TMTC1: variants seen among roughly 807,000 people sequenced by gnomAD.
The protein encoded by TMTC1 is protein O-mannosyl-transferase TMTC1.
In TMTC1, 73 loss-of-function variants were observed where a neutral mutation model predicts 104.8. The observed-to-expected ratio is 0.70, with a 90% CI of 0.58 to 0.85. The LOEUF is 0.85. TMTC1 is among the 40% of genes least tolerant of loss of function. TMTC1 has a pLI of 0.00. For missense variants in TMTC1, 1,035 were observed against 1,096.1 expected, an observed-to-expected ratio of 0.94 and a Z score of 0.79; for synonymous variants, 434 against 428.7, an observed-to-expected ratio of 1.01 and a Z score of -0.15.
At chr12:29,747,796 G>C (rs1247147540) in intron 5 of TMTC1, among the ~76,000 whole-genome samples, 1 of 152,142 alleles carries the variant, frequency 6.6e-6, no homozygotes, top group African/African-American at 2.4e-5. Flanking sequence ...GCTTATACAT[G>C]TACAAATGCT....
rs183150484 is a variant in TMTC1 at position 29,640,278 on chromosome 12, G to A, written c.939-6942C>T. 1.5e-3 allele frequency among the ~76,000 whole-genome samples: 233 copies of A among 152,318 alleles called. 3 individuals carry two copies. The highest frequency in any genetic ancestry group is 6.8e-3 in the Middle Eastern group (2 of 294). ...TATTTTTAAAATTCCCAGAAGAGAC[G>A]TATGGTGAGATCACGGCAGACAGGA... On this transcript the variant is annotated intron_variant, in intron 5 of 17. Transcript: ENST00000539277.
chr12:29,572,723 G>A (rs192391481), intron 8 of TMTC1, among the ~76,000 whole-genome samples: 1 of 152,170 alleles, frequency 6.6e-6, no homozygotes, highest in Non-Finnish European at 1.5e-5. Flanking sequence ...GCCCTGCCGA[G>A]GCTAATTACA....
At chr12:29,594,361 G>C (rs1194847848) in intron 7 of TMTC1, among the ~76,000 whole-genome samples, 6 of 152,198 alleles carry the variant, frequency 3.9e-5, no homozygotes, top group African/African-American at 1.2e-4. Context: ...CTCTCCTCTA[G>C]TCCCATGAAT....
intron 7 of TMTC1, among the ~76,000 whole-genome samples, chr12:29,588,342 AT>A (rs1946194400): frequency 6.6e-6 from 1 of 152,124 alleles, no homozygotes; most frequent in Non-Finnish European, 1.5e-5. Flanking sequence ...TATAAATCTT[AT>A]TTATATTGTA....
intron 5 of TMTC1, among the ~76,000 whole-genome samples, chr12:29,653,889 A>G (rs1939636362): frequency 1.3e-5 from 2 of 152,236 alleles, no homozygotes; most frequent in South Asian, 4.1e-4. Flanking sequence ...AATTGCTGTT[A>G]ACATCAACTG....
chr12:29,638,817 G>A (rs1402034532), intron 5 of TMTC1, among the ~76,000 whole-genome samples: 5 of 152,156 alleles, frequency 3.3e-5, no homozygotes, highest in South Asian at 2.1e-4. Flanking sequence ...AACTCCTCCC[G>A]TTTCACCACT....
At position 29,604,181 on chromosome 12, in the gene TMTC1, G is replaced by C. The variant is rs1174834062; in HGVS notation, c.1247C>G (p.Pro416Arg). ...GGAAGTCACGTGCAATAGTTACCTA[G>C]GCATGTAAAGGACTCTCTCCGCCAC... The part of the protein sequence containing the change: ...FVVAERVLYM[P>R]SMGYCILFVH... Residue 416 changes from proline (P) to arginine (R), a missense_variant, in exon 7 of 18, where the codon CCT (proline) becomes CGT (arginine). Physicochemically the swap from Pro to Arg is moderately radical, Grantham distance 103. Transcript: ENST00000539277. 4.3e-6 allele frequency: 7 copies of C among 1,613,586 alleles called. No homozygotes were observed. The highest frequency in any genetic ancestry group is 4.5e-5 in the East Asian group (2 of 44,828).
chr12:29,743,517 G>GC (rs1476266582), intron 5 of TMTC1, among the ~76,000 whole-genome samples: 1 of 146,048 alleles, frequency 6.8e-6, no homozygotes, highest in African/African-American at 2.5e-5. Context: ...TTCAATTTTT[G>GC]AAAAAAAAAA....
chr12:29,519,639 A>G (rs1592160032), intron 12 of TMTC1: 2 of 152,340 alleles, frequency 1.3e-5, no homozygotes, highest in Admixed American at 1.3e-4. Context: ...TAGGGTGGTC[A>G]CAGAGTTATC....
chr12:29,761,895 A>AG lies in TMTC1; in HGVS notation c.481-3119dup, dbSNP rs961216243. On this transcript the variant is annotated intron_variant, in intron 2 of 17. Coordinates refer to ENST00000539277, the MANE Select transcript of TMTC1 (RefSeq NM_001193451.2). ...AAGGAGAAGCAGTGAATAAGCATGG[A>AG]GGTGGTCGGACGCAGTGGCTCATGT... Among the ~76,000 whole-genome samples, 93 of 152,312 alleles carry AG rather than the reference A, an allele frequency of 6.1e-4. 1 individual carries two copies. Among genetic ancestry groups the AG allele is most frequent in the African/African-American group, 2.1e-3 (87 of 41,560 alleles).
At chr12:29,608,772 C>T (rs1234151370) in intron 6 of TMTC1, among the ~76,000 whole-genome samples, 1 of 152,100 alleles carries the variant, frequency 6.6e-6, no homozygotes, top group Non-Finnish European at 1.5e-5. Context: ...TCACCATCGG[C>T]ACAAATACAC....
intron 5 of TMTC1, among the ~76,000 whole-genome samples, chr12:29,643,542 A>G (rs1468851099): frequency 2.2e-5 from 2 of 91,668 alleles, no homozygotes; most frequent in East Asian, 2.8e-4. Flanking sequence ...TATAATATAT[A>G]TCACATATAT....
At chr12:29,689,745 A>G (rs1235931983) in intron 5 of TMTC1, among the ~76,000 whole-genome samples, 1 of 152,216 alleles carries the variant, frequency 6.6e-6, no homozygotes, top group Non-Finnish European at 1.5e-5. Flanking sequence ...TAATAAATGA[A>G]TGAGTAAATG....
chr12:29,675,166 G>GT (rs1940676651), intron 5 of TMTC1, among the ~76,000 whole-genome samples: 1 of 104,022 alleles, frequency 9.6e-6, no homozygotes, highest in Non-Finnish European at 2.0e-5. Flanking sequence ...ATCAAACTGT[G>GT]TTTAAAAAAA....
chr12:29,758,577 C>G (rs1430132473), intron 3 of TMTC1, 127 bp downstream of exon 3: 1 of 944,888 alleles, frequency 1.1e-6, no homozygotes, highest in South Asian at 1.4e-5. Flanking sequence ...GTTTCCTATT[C>G]CTGGTCCCTG....
rs1943897482 is a variant in TMTC1, at chr12:29,783,824, G to A, written c.-73C>T. On this transcript the variant is annotated 5_prime_UTR_variant, in exon 1 of 18. Coordinates refer to ENST00000539277, the MANE Select transcript of TMTC1 (RefSeq NM_001193451.2). The surrounding 1 kb of genome is among the most constrained non-coding windows in gnomAD (Gnocchi z 4.7). ...ATCCTCCCCTACCGGGGCCCCGGCGGCGCGCGGCGTCTGCCCGGAGGGGGG... is the reference window on the plus strand; with the variant it reads ...ATCCTCCCCTACCGGGGCCCCGGCGACGCGCGGCGTCTGCCCGGAGGGGGG... 2.7e-6 allele frequency: 3 copies of A among 1,099,180 alleles called. No individual in the cohort carries two copies. Among genetic ancestry groups the A allele is most frequent in the Admixed American group, 5.1e-5 (1 of 19,508 alleles). 68.1% of individuals were successfully genotyped at this position (1,099,180 alleles called of 1,614,324 possible).
At chr12:29,690,854 T>A (rs1230964678) in intron 5 of TMTC1, among the ~76,000 whole-genome samples, 1 of 152,254 alleles carries the variant, frequency 6.6e-6, no homozygotes. Flanking sequence ...TTTTTAGTGA[T>A]GAAACTGCCT....
At chr12:29,663,704 A>G (rs1282438130) in intron 5 of TMTC1, among the ~76,000 whole-genome samples, 1 of 118,048 alleles carries the variant, frequency 8.5e-6, no homozygotes, top group Non-Finnish European at 1.9e-5. Flanking sequence ...TTTAGTAGAG[A>G]CAGGGTTTCG....
At chr12:29,723,057 ATT>A (rs1175806941) in intron 5 of TMTC1, among the ~76,000 whole-genome samples, 1 of 152,062 alleles carries the variant, frequency 6.6e-6, no homozygotes, top group African/African-American at 2.4e-5. Flanking sequence ...AAAAATGTAA[ATT>A]ATAAAGAGTA....
Sources: gnomAD v4.1 joint callset for allele counts (sites outside exome capture counted in the v4.1 genomes callset) on GRCh38, gnomAD v4.1.1 for gene constraint, Gnocchi (gnomAD v3.1) non-coding constraint, MANE v1.5 for transcripts, NCBI Gene and HGNC (gene_info 2026-07-23, HGNC 2026-07-21) for gene names.